The following AGPAT3 variants were observed in gnomAD, a reference collection of about 807,000 sequenced individuals.
The protein encoded by AGPAT3 is 1-acylglycerol-3-phosphate O-acyltransferase 3, also known as 1-acyl-sn-glycerol-3-phosphate acyltransferase gamma.
A neutral mutation model predicts 47.3 loss-of-function variants in AGPAT3; 5 were observed. That is an observed-to-expected ratio of 0.11 (90% CI 0.06 to 0.22). AGPAT3 has a LOEUF of 0.22. Ranked by LOEUF, AGPAT3 falls within the 10% of genes least tolerant of loss-of-function variation. The pLI is 1.00. For missense variants in AGPAT3, 315 were observed against 493.0 expected, an observed-to-expected ratio of 0.64 and a Z score of 3.42; for synonymous variants, 212 against 208.3, an observed-to-expected ratio of 1.02 and a Z score of -0.15.
In AGPAT3 at chr21:43,934,608, G is replaced by A. The variant is rs1057156830; in HGVS notation, c.-48-25026G>A. Among the ~76,000 whole-genome samples the A allele has an allele frequency of 6.6e-6, 1 of 152,216 alleles. No individual in the cohort carries two copies. The highest frequency in any genetic ancestry group is 1.9e-4 in the East Asian group (1 of 5,200). The stretch of plus-strand genomic sequence containing the variant: ...AGGAGGTGTGCGATGGTGATGGGGC[G>A]GAGGAGGGGACAGCGGGAACCTGTG... On this transcript the variant is annotated intron_variant, in intron 2 of 9. Transcript: ENST00000291572. This position sits in a 1 kb window ranked among gnomAD's most constrained non-coding sequence, Gnocchi z 4.7.
intron 1 of AGPAT3, among the ~76,000 whole-genome samples, chr21:43,890,232 C>T (rs1331468238): frequency 1.3e-5 from 2 of 152,098 alleles, no homozygotes; most frequent in African/African-American, 2.4e-5. Context: ...TGTGTGGCCC[C>T]TCCCCCTCTG....
intron 1 of AGPAT3, among the ~76,000 whole-genome samples, chr21:43,884,122 C>G (rs1452913407): frequency 6.6e-6 from 1 of 152,200 alleles, no homozygotes; most frequent in African/African-American, 2.4e-5. Context: ...AGAGATGAGT[C>G]ACCCAGTCTC....
At chr21:43,948,714 G>C (rs1224706677) in intron 2 of AGPAT3, among the ~76,000 whole-genome samples, 2 of 152,228 alleles carry the variant, frequency 1.3e-5, no homozygotes, top group African/African-American at 4.8e-5. Flanking sequence ...AGATTCTCAT[G>C]AACCTAGCAG....
At chr21:43,945,080 G>A (rs2087826209) in intron 2 of AGPAT3, among the ~76,000 whole-genome samples, 1 of 152,264 alleles carries the variant, frequency 6.6e-6, no homozygotes, top group Non-Finnish European at 1.5e-5. Context: ...TGCTGGGCTA[G>A]TGCATGTTTT....
chr21:43,970,573 G>C lies in AGPAT3; in HGVS notation c.511-80G>C. ...AATTCAGCCACAACCTTTGCTGCCTGTCAGAGAGGCAGGCCTGGCCTGGAC... is the reference window on the plus strand; with the variant it reads ...AATTCAGCCACAACCTTTGCTGCCTCTCAGAGAGGCAGGCCTGGCCTGGAC... On this transcript the variant is annotated intron_variant, in intron 5 of 9. Coordinates refer to ENST00000291572, the MANE Select transcript of AGPAT3 (RefSeq NM_020132.5). This position sits in a 1 kb window ranked among gnomAD's most constrained non-coding sequence, Gnocchi z 5.8. The C allele has an allele frequency of 3.3e-6, 5 of 1,498,716 alleles. No homozygotes were observed. Among genetic ancestry groups the C allele is most frequent in the Non-Finnish European group, 4.6e-6 (5 of 1,098,140 alleles). 92.8% of individuals were successfully genotyped at this position (1,498,716 alleles called of 1,614,324 possible).
intron 2 of AGPAT3, among the ~76,000 whole-genome samples, chr21:43,914,198 G>T (rs973136963): frequency 6.6e-5 from 10 of 152,246 alleles, no homozygotes; most frequent in African/African-American, 2.2e-4. Flanking sequence ...CCCCCTGCCT[G>T]CGAGGCCTGG....
intron 1 of AGPAT3, among the ~76,000 whole-genome samples, chr21:43,865,568 G>C (rs959420711): frequency 9.4e-5 from 14 of 149,156 alleles, no homozygotes; most frequent in Non-Finnish European, 1.8e-4. Flanking sequence ...GGTCCTGTGC[G>C]CCCCCCGCAA....
chr21:43,892,346 C>G (rs2086120687), intron 1 of AGPAT3, among the ~76,000 whole-genome samples: 1 of 152,042 alleles, frequency 6.6e-6, no homozygotes, highest in South Asian at 2.1e-4. Context: ...ACTCCTTGAT[C>G]CATGGGCTGC....
chr21:43,881,491 T>A (rs2085852667), intron 1 of AGPAT3, among the ~76,000 whole-genome samples: 1 of 152,186 alleles, frequency 6.6e-6, no homozygotes, highest in African/African-American at 2.4e-5. Context: ...AGAGGCATGC[T>A]GGAAACATGG....
chr21:43,878,451 G>A (rs2085781275), intron 1 of AGPAT3, among the ~76,000 whole-genome samples: 1 of 152,210 alleles, frequency 6.6e-6, no homozygotes, highest in Non-Finnish European at 1.5e-5. Flanking sequence ...TCCGCTGTGT[G>A]GACACAGCCA....
intron 8 of AGPAT3, 57 bp from the exon 9 acceptor site, chr21:43,980,917 ATCTTCTCCTGCATTG>A: frequency 2.1e-6 from 3 of 1,438,934 alleles, no homozygotes; most frequent in Non-Finnish European, 2.9e-6. Flanking sequence ...ATTGCCAACA[ATCTTCTCCTGCATTG>A]AAATAATAGC....
At chr21:43,941,169 T>A (rs1209595879) in intron 2 of AGPAT3, among the ~76,000 whole-genome samples, 1 of 152,180 alleles carries the variant, frequency 6.6e-6, no homozygotes, top group Non-Finnish European at 1.5e-5. Context: ...AACGAGGTGA[T>A]TTCCTAGGAA....
intron 2 of AGPAT3, among the ~76,000 whole-genome samples, chr21:43,923,275 A>G (rs1225080616): frequency 6.6e-6 from 1 of 152,156 alleles, no homozygotes; most frequent in Non-Finnish European, 1.5e-5. Context: ...CTCCAGATTC[A>G]TGCACTCGGG....
chr21:43,915,351 C>CA (rs2146125080), intron 2 of AGPAT3, among the ~76,000 whole-genome samples: 1 of 151,794 alleles, frequency 6.6e-6, no homozygotes, highest in African/African-American at 2.4e-5. Flanking sequence ...TGCGCCTGCC[C>CA]CCCAGCCCTG....
At chr21:43,903,165 CA>C (rs2086397959) in intron 1 of AGPAT3, among the ~76,000 whole-genome samples, 1 of 152,162 alleles carries the variant, frequency 6.6e-6, no homozygotes, top group Admixed American at 6.5e-5. Flanking sequence ...CACATAAGGA[CA>C]AATAGTGTAT....
At chr21:43,962,650 C>T (rs543579957) in intron 3 of AGPAT3, among the ~76,000 whole-genome samples, 1 of 152,262 alleles carries the variant, frequency 6.6e-6, no homozygotes, top group African/African-American at 2.4e-5. Flanking sequence ...GTCAGCACTG[C>T]CTTTCAGGAG....
At chr21:43,971,167 G>A (rs916415151) in intron 6 of AGPAT3, among the ~76,000 whole-genome samples, 1 of 152,180 alleles carries the variant, frequency 6.6e-6, no homozygotes, top group Non-Finnish European at 1.5e-5. Flanking sequence ...CATGGGAAAC[G>A]TCAGCCACTA....
intron 2 of AGPAT3, among the ~76,000 whole-genome samples, chr21:43,948,834 G>A (rs2088037905): frequency 6.6e-6 from 1 of 152,188 alleles, no homozygotes; most frequent in Admixed American, 6.5e-5. Context: ...TGACGAACGT[G>A]TAGTCAGTGC....
intron 2 of AGPAT3, among the ~76,000 whole-genome samples, chr21:43,918,046 TG>T (rs150342124): frequency 0.33 from 33,586 of 100,922 alleles, 5,954 homozygotes; most frequent in South Asian, 0.43. Flanking sequence ...GTTGGTGTTG[TG>T]GGGGTTGTGG....
Sources: allele counts gnomAD v4.1 joint callset (sites outside exome capture counted in the v4.1 genomes callset), GRCh38; gene constraint gnomAD v4.1.1; non-coding constraint Gnocchi (gnomAD v3.1); transcripts MANE v1.5; gene names NCBI Gene and HGNC (gene_info 2026-07-23, HGNC 2026-07-21).